ATP10B: variants seen among roughly 807,000 people sequenced by gnomAD.
ATP10B encodes ATPase phospholipid transporting 10B (putative).
In ATP10B, 122 loss-of-function variants were observed where a neutral mutation model predicts 141.2. That is an observed-to-expected ratio of 0.86 (90% CI 0.75 to 1.00). The LOEUF (loss-of-function observed/expected upper bound fraction) is 1.00, where lower values mean the gene tolerates loss of function less well. ATP10B is among the 50% of genes least tolerant of loss of function. ATP10B has a pLI of 0.00. For synonymous variants in ATP10B, 685 were observed against 692.0 expected, an observed-to-expected ratio of 0.99 and a Z score of 0.16; for missense variants, 1,876 against 1,825.3, an observed-to-expected ratio of 1.03 and a Z score of -0.51.
chr5:160,565,159 A>G lies in ATP10B; in HGVS notation c.*294T>C, dbSNP rs1754455005. ...GGCTACGCTTATCTAGAGGGTCAGAAGAATGGCTTTGGTCTAAACCGATTT... is the reference window on the plus strand; with the variant it reads ...GGCTACGCTTATCTAGAGGGTCAGAGGAATGGCTTTGGTCTAAACCGATTT... On this transcript the variant is annotated 3_prime_UTR_variant, in exon 26 of 26. Transcript: ENST00000327245. 2.5e-6 allele frequency: 1 copy of G among 399,604 alleles called. No individual in the cohort carries two copies. The highest frequency in any genetic ancestry group is 4.6e-6 in the Non-Finnish European group (1 of 219,552). The allele number at this position is 399,604 out of a possible 1,614,324, so 24.8% of individuals were successfully genotyped here. A position where few individuals can be genotyped will look rare whatever the true frequency, so the allele number is the denominator to read the frequency against.
chr5:160,602,747 A>G, intron 20 of ATP10B, 45 bp from the exon 21 acceptor site: 2 of 1,611,138 alleles, frequency 1.2e-6, no homozygotes, highest in East Asian at 2.2e-5. Flanking sequence ...CATGGCTGCC[A>G]GTGCCCCAGA....
intron 1 of ATP10B, among the ~76,000 whole-genome samples, chr5:160,797,177 A>C (rs2127922235): frequency 6.6e-6 from 1 of 152,194 alleles, no homozygotes; most frequent in Non-Finnish European, 1.5e-5. Flanking sequence ...ATCTTCCCTG[A>C]TTGCCTTGCC....
At chr5:160,828,699 A>G (rs543030558) in intron 1 of ATP10B, among the ~76,000 whole-genome samples, 1 of 152,074 alleles carries the variant, frequency 6.6e-6, no homozygotes, top group Admixed American at 6.5e-5. Flanking sequence ...CAGCCATCCC[A>G]TTACTGGGTA....
At chr5:160,680,286 T>C (rs1763292179) in intron 6 of ATP10B, among the ~76,000 whole-genome samples, 1 of 150,670 alleles carries the variant, frequency 6.6e-6, no homozygotes, top group African/African-American at 2.4e-5. Flanking sequence ...TAATTTCTTA[T>C]GTTGCTTCCC....
At chr5:160,608,157 C>A (rs1257059537) in intron 18 of ATP10B, among the ~76,000 whole-genome samples, 2 of 152,030 alleles carry the variant, frequency 1.3e-5, no homozygotes, top group Admixed American at 6.6e-5. Context: ...TCACTTCCCA[C>A]CTATGAGTGA....
intron 1 of ATP10B, among the ~76,000 whole-genome samples, chr5:160,810,963 A>C (rs1177855184): frequency 6.6e-6 from 1 of 152,192 alleles, no homozygotes; most frequent in East Asian, 1.9e-4. Context: ...TTCAGCCATT[A>C]TCAAATATCA....
chr5:160,821,431 C>A (rs1320287485), intron 1 of ATP10B, among the ~76,000 whole-genome samples: 1 of 150,860 alleles, frequency 6.6e-6, no homozygotes, highest in Non-Finnish European at 1.5e-5. Context: ...TTAAAATGCC[C>A]ATACTACCCA....
chr5:160,780,085 T>G (rs1770613066), intron 2 of ATP10B, among the ~76,000 whole-genome samples: 2 of 152,148 alleles, frequency 1.3e-5, no homozygotes, highest in Admixed American at 1.3e-4. Flanking sequence ...AATTCTTTCA[T>G]GGTGAGAGAT....
intron 2 of ATP10B, among the ~76,000 whole-genome samples, chr5:160,755,061 G>A (rs2127828527): frequency 6.6e-6 from 1 of 152,306 alleles, no homozygotes; most frequent in South Asian, 2.1e-4. Context: ...CTGAGACTGG[G>A]TAATTTATGA....
At chr5:160,633,314 T>A (rs1409275545) in intron 12 of ATP10B, 1 of 152,350 alleles carries the variant, frequency 6.6e-6, no homozygotes, top group South Asian at 2.1e-4. Context: ...CCAACCCCAG[T>A]GCCCATCAGC....
chr5:160,852,493 G>A (rs1049454180), upstream of ATP10B, among the ~76,000 whole-genome samples: 1 of 152,142 alleles, frequency 6.6e-6, no homozygotes, highest in African/African-American at 2.4e-5. Context: ...TGATTCAGCT[G>A]CTGGGTTTCA....
At chr5:160,746,123 A>G (rs7737399) in intron 2 of ATP10B, among the ~76,000 whole-genome samples, 23,185 of 152,092 alleles carry the variant, frequency 0.15, 2,823 homozygotes, top group African/African-American at 0.34. Context: ...GTTGTCAGTA[A>G]CATTCAAGCC....
the ATP10B span, among the ~76,000 whole-genome samples, chr5:160,923,137 T>C: frequency 6.6e-6 from 1 of 152,144 alleles, no homozygotes; most frequent in East Asian, 1.9e-4. Context: ...GTGCTTGCCA[T>C]CGATCGGAAG....
In ATP10B at chr5:160,602,565, T is replaced by C; in HGVS notation, c.3363+12A>G. 1 of 1,613,482 alleles carries C rather than the reference T, an allele frequency of 6.2e-7. No individual in the cohort carries two copies. The highest frequency in any genetic ancestry group is 8.5e-7 in the Non-Finnish European group (1 of 1,179,576). ...CAAAGCCCTGGGTGAGAGGACGCCA[T>C]AGGCTACTTACCACGTTCTTGTAGA... On this transcript the variant is annotated intron_variant, in intron 21 of 25. Coordinates refer to ENST00000327245, the MANE Select transcript of ATP10B (RefSeq NM_025153.3).
In ATP10B at chr5:160,717,712, T is replaced by C. The variant is rs145786432; in HGVS notation, c.-330-678A>G. On this transcript the variant is annotated intron_variant, in intron 2 of 25. Transcript: ENST00000327245. ...AACTAGGGCTCAGTAAAGTTAAATA[T>C]CCTCCCTAAAACCCTACAATTCATG... Among the ~76,000 whole-genome samples, 273 of 152,292 alleles carry C rather than the reference T, an allele frequency of 1.8e-3. 1 individual carries two copies. Among genetic ancestry groups the C allele is most frequent in the Non-Finnish European group, 2.6e-3 (180 of 68,026 alleles).
At chr5:160,700,868 C>T (rs971719632) in intron 3 of ATP10B, among the ~76,000 whole-genome samples, 10 of 152,068 alleles carry the variant, frequency 6.6e-5, no homozygotes, top group African/African-American at 2.2e-4. Flanking sequence ...GTATCTTTAC[C>T]CCTACATCTG....
intron 2 of ATP10B, among the ~76,000 whole-genome samples, chr5:160,746,482 C>T (rs1441465501): frequency 6.6e-6 from 1 of 151,686 alleles, no homozygotes; most frequent in African/African-American, 2.4e-5. Context: ...ATCTCTGCCT[C>T]CCAGGTTCAA....
At chr5:160,884,874 A>G in the ATP10B span, among the ~76,000 whole-genome samples, 1 of 152,202 alleles carries the variant, frequency 6.6e-6, no homozygotes, top group East Asian at 1.9e-4. Context: ...AAAGCACTCT[A>G]CTGGATGTTT....
intron 2 of ATP10B, among the ~76,000 whole-genome samples, chr5:160,723,648 GCT>G (rs1766126576): frequency 1.3e-5 from 2 of 151,822 alleles, no homozygotes; most frequent in African/African-American, 4.8e-5. Flanking sequence ...ATTCTCTCTC[GCT>G]CTCTTTTCCT....
Sources: allele counts gnomAD v4.1 joint callset (sites outside exome capture counted in the v4.1 genomes callset), GRCh38; gene constraint gnomAD v4.1.1; transcripts MANE v1.5; gene names NCBI Gene and HGNC (gene_info 2026-07-23, HGNC 2026-07-21).